The following EBF1 variants were observed in gnomAD, a reference collection of about 807,000 sequenced individuals.
EBF1 encodes EBF transcription factor 1.
Under a neutral mutation model 68.4 loss-of-function variants are expected in EBF1, and 10 were observed. The ratio of observed to expected loss-of-function variants is 0.15; its 90% CI spans 0.09 to 0.25. The LOEUF is 0.25. EBF1 is among the 10% of genes least tolerant of loss of function. The pLI is 1.00. For missense variants in EBF1, 509 were observed against 794.4 expected, an observed-to-expected ratio of 0.64 and a Z score of 4.32; for synonymous variants, 298 against 299.8, an observed-to-expected ratio of 0.99 and a Z score of 0.06.
At chr5:158,856,758 T>C (rs1460881968) in intron 6 of EBF1, among the ~76,000 whole-genome samples, 1 of 152,180 alleles carries the variant, frequency 6.6e-6, no homozygotes, top group Admixed American at 6.5e-5. Flanking sequence ...GTAACTTGCC[T>C]GCCAACAGAT....
intron 8 of EBF1, among the ~76,000 whole-genome samples, chr5:158,797,493 A>G (rs1348305774): frequency 6.6e-6 from 1 of 152,228 alleles, no homozygotes; most frequent in Non-Finnish European, 1.5e-5. Flanking sequence ...CATCTTTAAT[A>G]AAAAGTTTAT....
At chr5:158,791,083 G>T (rs1778496539) in intron 9 of EBF1, among the ~76,000 whole-genome samples, 1 of 152,116 alleles carries the variant, frequency 6.6e-6, no homozygotes, top group African/African-American at 2.4e-5. Context: ...CACTTCGGGA[G>T]GCTGAGGCGG....
chr5:158,895,416 G>A (rs907850040), intron 6 of EBF1, among the ~76,000 whole-genome samples: 1 of 152,166 alleles, frequency 6.6e-6, no homozygotes, highest in Non-Finnish European at 1.5e-5. Flanking sequence ...AAATCGTGAT[G>A]AAAATAAAGT....
At chr5:159,046,441 A>G (rs1027039095) in intron 6 of EBF1, among the ~76,000 whole-genome samples, 1 of 152,210 alleles carries the variant, frequency 6.6e-6, no homozygotes, top group Non-Finnish European at 1.5e-5. Context: ...CTACTGTAAC[A>G]TAAGCGGAAT....
intron 6 of EBF1, among the ~76,000 whole-genome samples, chr5:158,857,697 G>C (rs1794299975): frequency 6.6e-6 from 1 of 152,160 alleles, no homozygotes. Flanking sequence ...TAAAAATGGA[G>C]ACGGGGAAAA....
At chr5:158,951,736 T>G (rs1447251993) in intron 6 of EBF1, among the ~76,000 whole-genome samples, 1 of 151,612 alleles carries the variant, frequency 6.6e-6, no homozygotes, top group Admixed American at 6.6e-5. Context: ...TAATGACAAA[T>G]AAAAAGAAAA....
Position 158,992,556 on chromosome 5 carries a change from C to T in EBF1, c.554+80840G>A, listed in dbSNP as rs1392872970. ...ATAATGCTAGGATTCTTGGCACTGC[C>T]AGGAAAAGGGGCATTGTCAAACCAA... On this transcript the variant is annotated intron_variant, in intron 6 of 15. Coordinates refer to ENST00000313708, the MANE Select transcript of EBF1 (RefSeq NM_024007.5). 2.0e-5 allele frequency among the ~76,000 whole-genome samples: 3 copies of T among 152,124 alleles called. No individual in the cohort carries two copies. The East Asian group carries it at 5.8e-4, about 29-fold the overall frequency.
chr5:159,011,506 G>A (rs1353729965), intron 6 of EBF1, among the ~76,000 whole-genome samples: 6 of 152,168 alleles, frequency 3.9e-5, no homozygotes, highest in African/African-American at 9.7e-5. Flanking sequence ...GTAAGTTTGG[G>A]GGGCTGGTTA....
chr5:158,696,691 CCTCCCCTACCCTCCCACAA>C lies in EBF1; in HGVS notation c.*2401_*2419del, dbSNP rs1345623827. 6 of 196,356 alleles carry C rather than the reference CCTCCCCTACCCTCCCACAA, an allele frequency of 3.1e-5. No homozygotes were observed. Among genetic ancestry groups the C allele is most frequent in the African/African-American group, 1.4e-4 (6 of 43,094 alleles). 12.2% of individuals were successfully genotyped at this position (196,356 alleles called of 1,614,324 possible). A position where few individuals can be genotyped will look rare whatever the true frequency, so the allele number is the denominator to read the frequency against. Reference sequence around the variant, plus strand: ...CTCACCATGAAAAACAGCTTTCCTCCCTCCCCTACCCTCCCACAACTCCCCTCCCCCACCCACCCCAACC... The same window carrying C: ...CTCACCATGAAAAACAGCTTTCCTCCCTCCCCTCCCCCACCCACCCCAACC... On this transcript the variant is annotated 3_prime_UTR_variant, in exon 16 of 16. Transcript: ENST00000313708.
At chr5:158,933,038 T>C (rs778857618) in intron 6 of EBF1, among the ~76,000 whole-genome samples, 23 of 152,224 alleles carry the variant, frequency 1.5e-4, no homozygotes, top group Non-Finnish European at 3.2e-4. Flanking sequence ...TTCACTGGGC[T>C]TAGGATAATT....
intron 2 of EBF1, 54 bp downstream of exon 2, chr5:159,096,920 G>A (rs1211915831): frequency 6.3e-7 from 1 of 1,593,966 alleles, no homozygotes; most frequent in Non-Finnish European, 8.5e-7. Context: ...AGGCTCCCGG[G>A]CCTGCTCCCG....
intron 6 of EBF1, among the ~76,000 whole-genome samples, chr5:158,990,987 T>A (rs1163903607): frequency 6.6e-6 from 1 of 152,166 alleles, no homozygotes; most frequent in Non-Finnish European, 1.5e-5. Flanking sequence ...TGAGCTTTAG[T>A]CATAGGACCT....
intron 11 of EBF1, among the ~76,000 whole-genome samples, chr5:158,728,274 A>G (rs1763401299): frequency 6.6e-6 from 1 of 152,192 alleles, no homozygotes; most frequent in Non-Finnish European, 1.5e-5. Context: ...TTGCACGATC[A>G]AGTGGCTAGA....
intron 11 of EBF1, among the ~76,000 whole-genome samples, chr5:158,722,836 C>T (rs1324738929): frequency 6.6e-6 from 1 of 152,198 alleles, no homozygotes; most frequent in Non-Finnish European, 1.5e-5. Flanking sequence ...GGCTTAAGAC[C>T]TCCAAGCATC....
intron 10 of EBF1, among the ~76,000 whole-genome samples, chr5:158,760,126 C>A (rs942440155): frequency 6.6e-6 from 1 of 152,100 alleles, no homozygotes; most frequent in Non-Finnish European, 1.5e-5. Context: ...TTAATAAATT[C>A]ACGGTTATCA....
At chr5:158,914,795 G>A (rs1460473871) in intron 6 of EBF1, among the ~76,000 whole-genome samples, 2 of 152,136 alleles carry the variant, frequency 1.3e-5, no homozygotes, top group Admixed American at 1.3e-4. Context: ...AACAAATTAA[G>A]CACGTTCTGG....
intron 8 of EBF1, 81 bp downstream of exon 8, chr5:158,823,095 C>G: frequency 3.2e-6 from 5 of 1,581,242 alleles, no homozygotes; most frequent in Non-Finnish European, 4.3e-6. Flanking sequence ...CAGAATAGAA[C>G]ATGTGGTGGA....
chr5:158,841,034 C>T (rs1198231809), intron 6 of EBF1, among the ~76,000 whole-genome samples: 8 of 152,122 alleles, frequency 5.3e-5, no homozygotes, highest in Non-Finnish European at 1.2e-4. Context: ...AAAGATTTTC[C>T]TGCCTCACTG....
At chr5:158,927,142 G>A (rs1265876149) in intron 6 of EBF1, among the ~76,000 whole-genome samples, 1 of 152,180 alleles carries the variant, frequency 6.6e-6, no homozygotes, top group Non-Finnish European at 1.5e-5. Flanking sequence ...CTTCTTTGAT[G>A]TTCATTTCCA....
Sources: gnomAD v4.1 joint callset for allele counts (sites outside exome capture counted in the v4.1 genomes callset) on GRCh38, gnomAD v4.1.1 for gene constraint, MANE v1.5 for transcripts, NCBI Gene and HGNC (gene_info 2026-07-23, HGNC 2026-07-21) for gene names.